The following KIF24 variants were observed in gnomAD, a reference collection of about 807,000 sequenced individuals.
KIF24 encodes kinesin-like protein KIF24.
A neutral mutation model predicts 118.9 loss-of-function variants in KIF24; 81 were observed. That is an observed-to-expected ratio of 0.68 (90% CI 0.57 to 0.82). The LOEUF (loss-of-function observed/expected upper bound fraction) is 0.82, where lower values mean the gene tolerates loss of function less well. Ranked by LOEUF, KIF24 falls within the 40% of genes least tolerant of loss-of-function variation. The pLI, the probability that KIF24 is intolerant of heterozygous loss-of-function variation, is 0.00. For synonymous variants in KIF24, 599 were observed against 610.0 expected (o/e 0.98, Z 0.27); for missense variants, 1,560 against 1,661.6 (o/e 0.94, Z 1.06).
intron 6 of KIF24, among the ~76,000 whole-genome samples, chr9:34,279,614 C>A (rs1480027882): frequency 6.6e-6 from 1 of 152,216 alleles, no homozygotes; most frequent in African/African-American, 2.4e-5. Flanking sequence ...AGGACAATCC[C>A]ATTTGAATAA....
At position 34,257,668 on chromosome 9, in the gene KIF24, G is replaced by A. The variant is rs953340212; in HGVS notation, c.1939C>T (p.Pro647Ser). 2.5e-6 allele frequency: 4 copies of A among 1,613,888 alleles called. No individual in the cohort carries two copies. The African/African-American group carries it at 4.0e-5, about 16-fold the overall frequency. Reference protein sequence around the residue: ...PSQEWVIHASPVKGTVRSGHV... With the variant: ...PSQEWVIHASSVKGTVRSGHV... The stretch of plus-strand genomic sequence containing the variant: ...CCAGAGCGCACAGTTCCTTTCACAG[G>A]GCTAGCATGAATGACCCACTCTTGT... Residue 647 changes from proline (P) to serine (S), a missense_variant, in exon 11 of 13, where the codon CCT becomes TCT. Around this residue, in one of 3 missense-constraint regions of KIF24, gnomAD observed 964 missense variants for 988.0 expected, o/e 0.98. Coordinates refer to ENST00000402558, the MANE Select transcript of KIF24 (RefSeq NM_194313.4).
chr9:34,286,847 C>T, intron 5 of KIF24, 143 bp from the exon 6 acceptor site: 1 of 635,280 alleles, frequency 1.6e-6, no homozygotes, highest in East Asian at 2.7e-5. Context: ...CCTCCCAACC[C>T]CACCCTCCTG....
rs1281037808 is a variant in KIF24, at chr9:34,259,610, C to T, written c.1611G>A (p.Leu537=). The part of the protein sequence containing the change: ...HVATEHTLNT[L]RYADRVKELK... ...AGCTGACTTACCGGTCAGCATAGCG[C>T]AAGGTGTTGAGAGTGTGTTCAGTGG... is the stretch of plus-strand genomic sequence containing the variant. Residue 537 remains leucine, a synonymous_variant, in exon 10 of 13, where the codon TTG becomes TTA. Transcript: ENST00000402558. The T allele has an allele frequency of 1.9e-6, 3 of 1,613,768 alleles. No individual in the cohort carries two copies. In the Admixed American group the frequency reaches 5.0e-5, roughly 27 times the overall value.
In KIF24 at chr9:34,253,758, GTC is replaced by G. The variant is rs1376046960; in HGVS notation, c.*620_*621del. On this transcript the variant is annotated 3_prime_UTR_variant, in exon 13 of 13. Transcript: ENST00000402558. ...GAAGGGAGCTGTAAATATAAGGCCT[GTC>G]TCACATCTGCTGCTGTCAGTGACAC... 2.0e-5 allele frequency: 3 copies of G among 152,242 alleles called. No individual in the cohort carries two copies. The highest frequency in any genetic ancestry group is 7.2e-5 in the African/African-American group (3 of 41,460). 9.4% of individuals were successfully genotyped at this position (152,242 alleles called of 1,614,324 possible). A position where few individuals can be genotyped will look rare whatever the true frequency, so the allele number is the denominator to read the frequency against.
rs1274406733 is a variant in KIF24, at chr9:34,290,211, A to G, written c.1090T>C (p.Cys364Arg). Residue 364 changes from cysteine (C) to arginine (R), a missense_variant, in exon 5 of 13, where the codon TGT becomes CGT. Cys to Arg is a radical substitution (Grantham distance 180). Coordinates refer to ENST00000402558, the MANE Select transcript of KIF24 (RefSeq NM_194313.4). The part of the protein sequence containing the change: ...FVWISFYEIY[C>R]GQLYDLLNRR... ...TTTAGGAGGTCATAAAGCTGTCCAC[A>G]GTAAATTTCATAGAAGCTGATCCAC... is the stretch of plus-strand genomic sequence containing the variant. 38 of 1,613,924 alleles carry G rather than the reference A, an allele frequency of 2.4e-5. No individual in the cohort carries two copies. The highest frequency in any genetic ancestry group is 3.2e-5 in the Non-Finnish European group (38 of 1,179,828).
intron 7 of KIF24, among the ~76,000 whole-genome samples, chr9:34,270,006 G>A (rs1203564983): frequency 2.6e-5 from 4 of 151,594 alleles, no homozygotes; most frequent in East Asian, 2.0e-4. Flanking sequence ...GGCAGATCAC[G>A]AGGTGAAGAG....
At chr9:34,296,284 T>C (rs1836473190) in intron 4 of KIF24, among the ~76,000 whole-genome samples, 1 of 146,994 alleles carries the variant, frequency 6.8e-6, no homozygotes, top group Admixed American at 6.9e-5. Flanking sequence ...CCCAGTACTT[T>C]GGGAGGCCGA....
rs1396587939 is a variant in KIF24, at chr9:34,310,935, C to G, written c.412G>C (p.Glu138Gln). The part of the protein sequence containing the change: ...EQKSTYLKVL[E>Q]HMLPDDSQYH... ...TGGGAATCATCTGGTAGCATGTGTT[C>G]TAGCACTTTTAGGTAAGTGGACTTC... is the stretch of plus-strand genomic sequence containing the variant. Residue 138 changes from glutamate to glutamine, a missense_variant, in exon 2 of 13, where the codon GAA becomes CAA. Glu to Gln is a conservative substitution (Grantham distance 29). Around this residue, in one of 3 missense-constraint regions of KIF24, gnomAD observed 964 missense variants for 988.0 expected, o/e 0.98. Transcript: ENST00000402558. The G allele has an allele frequency of 1.9e-6, 3 of 1,613,742 alleles. No homozygotes were observed. The highest frequency in any genetic ancestry group is 1.6e-4 in the Middle Eastern group (1 of 6,084).
At chr9:34,299,806 G>A (rs28604543) in intron 3 of KIF24, among the ~76,000 whole-genome samples, 3,122 of 72,464 alleles carry the variant, frequency 0.043, 110 homozygotes, top group African/African-American at 0.093. Context: ...CTACCAAGAT[G>A]TGTGTGTGTG....
chr9:34,313,902 C>T (rs1837253478), intron 1 of KIF24, among the ~76,000 whole-genome samples: 1 of 149,058 alleles, frequency 6.7e-6, no homozygotes, highest in Admixed American at 6.9e-5. Flanking sequence ...TGCGCACCAC[C>T]ACATGTGGCT....
In KIF24 at chr9:34,263,183, G is replaced by C; in HGVS notation, c.1444-11C>G. On this transcript the variant is annotated splice_polypyrimidine_tract_variant and intron_variant, in intron 8 of 12. Coordinates refer to ENST00000402558, the MANE Select transcript of KIF24 (RefSeq NM_194313.4). ...GATACATTCCTTCAGCTGCAAAGTG[G>C]GAGAACAAGCACATCAAGTATCAAG... is the stretch of plus-strand genomic sequence containing the variant. 1 of 1,608,808 alleles carries C rather than the reference G, an allele frequency of 6.2e-7. No individual in the cohort carries two copies. Among genetic ancestry groups the C allele is most frequent in the Non-Finnish European group, 8.5e-7 (1 of 1,176,022 alleles).
chr9:34,276,549 A>G (rs558295221), intron 6 of KIF24, among the ~76,000 whole-genome samples: 3 of 152,330 alleles, frequency 2.0e-5, no homozygotes, highest in Middle Eastern at 3.4e-3. Context: ...ACAATAAGAC[A>G]TAAAATATCT....
chr9:34,330,989 T>TA (rs1430842037), upstream of KIF24, among the ~76,000 whole-genome samples: 134 of 152,250 alleles, frequency 8.8e-4, no homozygotes, highest in African/African-American at 3.0e-3. Context: ...ATTATTCTTA[T>TA]AATAAGAACA....
intron 1 of KIF24, among the ~76,000 whole-genome samples, chr9:34,328,494 G>C (rs949557003): frequency 6.6e-6 from 1 of 152,210 alleles, no homozygotes; most frequent in African/African-American, 2.4e-5. Flanking sequence ...AGAGTAGAAA[G>C]GCCAGCTGTG....
chr9:34,296,701 T>C (rs1836493892), intron 4 of KIF24, among the ~76,000 whole-genome samples: 1 of 150,440 alleles, frequency 6.6e-6, no homozygotes, highest in South Asian at 2.1e-4. Context: ...AGGACTTTGA[T>C]GGGATAATAT....
At chr9:34,303,408 T>C (rs1334376528) in intron 3 of KIF24, among the ~76,000 whole-genome samples, 1 of 152,276 alleles carries the variant, frequency 6.6e-6, no homozygotes, top group African/African-American at 2.4e-5. Flanking sequence ...AGTATGGTTG[T>C]TGCATTATTA....
Position 34,318,280 on chromosome 9 carries a change from A to T in KIF24, c.-25-6909T>A, listed in dbSNP as rs1837392014. On this transcript the variant is annotated intron_variant, in intron 1 of 12. Transcript: ENST00000402558. This position sits in a 1 kb window ranked among gnomAD's most constrained non-coding sequence, Gnocchi z 4.9. ...ACATAGAAATAGGCTATAGAAGAGT[A>T]GAATCGTGTCGCGGCTCGAGAGCGA... 3.5e-6 allele frequency: 2 copies of T among 565,680 alleles called. No homozygotes were observed. Among genetic ancestry groups the T allele is most frequent in the South Asian group, 4.1e-5 (2 of 49,098 alleles). The allele number at this position is 565,680 out of a possible 1,614,324, so 35.0% of individuals were successfully genotyped here. A position where few individuals can be genotyped will look rare whatever the true frequency, so the allele number is the denominator to read the frequency against.
chr9:34,256,201 G>A lies in KIF24; in HGVS notation c.3406C>T (p.Arg1136Cys), dbSNP rs189236455. The part of the protein sequence containing the change: ...DLPALSPSPI[R>C]QHPADKLPSR... The stretch of plus-strand genomic sequence containing the variant: ...GGCAGCTTGTCAGCTGGGTGCTGAC[G>A]GATGGGTGATGGGGACAGAGCTGGA... The change falls in exon 11 of 13, where the codon CGT becomes TGT. Residue 1136 changes from arginine (R) to cysteine (C), a missense_variant. This residue lies in a region of KIF24 where 591 missense variants were observed against 655.6 expected (regional missense o/e 0.90). Transcript: ENST00000402558. The A allele has an allele frequency of 1.9e-4, 299 of 1,602,484 alleles. No homozygotes were observed. In the Admixed American group the frequency reaches 2.6e-3, roughly 14 times the overall value.
At chr9:34,299,425 G>A (rs934352701) in intron 3 of KIF24, among the ~76,000 whole-genome samples, 6 of 151,890 alleles carry the variant, frequency 4.0e-5, no homozygotes, top group East Asian at 1.9e-4. Context: ...CAAGTGATCC[G>A]TCTGCTTCAG....
Sources: allele counts gnomAD v4.1 joint callset (sites outside exome capture counted in the v4.1 genomes callset), GRCh38; gene constraint gnomAD v4.1.1; regional missense constraint gnomAD v4.1.1; non-coding constraint Gnocchi (gnomAD v3.1); transcripts MANE v1.5; gene names NCBI Gene and HGNC (gene_info 2026-07-23, HGNC 2026-07-21).